The following WWC2 variants were observed in gnomAD, a reference collection of about 807,000 sequenced individuals.
The protein encoded by WWC2 is WW and C2 domain containing 2.
A neutral mutation model predicts 138.5 loss-of-function variants in WWC2; 101 were observed. The observed-to-expected ratio is 0.73, with a 90% CI of 0.62 to 0.86. WWC2 has a LOEUF of 0.86. WWC2 is among the 40% of genes least tolerant of loss of function. WWC2 has a pLI of 0.00. For synonymous variants in WWC2, 558 were observed against 538.4 expected, an observed-to-expected ratio of 1.04 and a Z score of -0.50; for missense variants, 1,420 against 1,419.4, an observed-to-expected ratio of 1.00 and a Z score of -0.01.
rs1190198204 is a variant in WWC2 at position 183,320,712 on chromosome 4, T to C, written c.*4983T>C. The C allele has an allele frequency of 5.7e-6, 1 of 174,558 alleles. No homozygotes were observed. Among genetic ancestry groups the C allele is most frequent in the Non-Finnish European group, 1.4e-5 (1 of 72,116 alleles). The allele number at this position is 174,558 out of a possible 1,614,324, so 10.8% of individuals were successfully genotyped here. A position where few individuals can be genotyped will look rare whatever the true frequency, so the allele number is the denominator to read the frequency against. The stretch of plus-strand genomic sequence containing the variant: ...ATGTGCATGTTATGGTAATACTGAG[T>C]GTTATTTTTTAAAAATAGGTTTAAG... On this transcript the variant is annotated 3_prime_UTR_variant, in exon 23 of 23. Coordinates refer to ENST00000403733, the MANE Select transcript of WWC2 (RefSeq NM_024949.6).
chr4:183,152,583 T>C (rs959821920), intron 1 of WWC2, among the ~76,000 whole-genome samples: 5 of 150,982 alleles, frequency 3.3e-5, no homozygotes, highest in African/African-American at 9.7e-5. Flanking sequence ...TATAGTTTTG[T>C]TTTCGAGAGT....
Position 183,283,702 on chromosome 4 carries a change from A to G in WWC2, c.2884-524A>G, listed in dbSNP as rs555816217. 4.6e-5 allele frequency among the ~76,000 whole-genome samples: 7 copies of G among 152,378 alleles called. No homozygotes were observed. The South Asian group carries it at 1.4e-3, about 32-fold the overall frequency. On this transcript the variant is annotated intron_variant, in intron 18 of 22. Transcript: ENST00000403733. Reference sequence around the variant, plus strand: ...TTACATTTCTAAAGATCCAGTAAAAATACAACTCAGCTTCACAACAGTTAT... The same window carrying G: ...TTACATTTCTAAAGATCCAGTAAAAGTACAACTCAGCTTCACAACAGTTAT...
intron 21 of WWC2, 142 bp downstream of exon 21, chr4:183,289,777 C>T (rs2111076599): frequency 1.6e-6 from 2 of 1,271,970 alleles, no homozygotes; most frequent in South Asian, 3.2e-5. Flanking sequence ...ATTTTTCCCA[C>T]TGTTATAGGC....
At chr4:183,181,222 A>G (rs1734623594) in intron 1 of WWC2, among the ~76,000 whole-genome samples, 1 of 152,186 alleles carries the variant, frequency 6.6e-6, no homozygotes, top group Admixed American at 6.5e-5. Context: ...TCTCTGTGTG[A>G]GCATTTCCTC....
chr4:183,256,442 G>C (rs921066069), intron 9 of WWC2, among the ~76,000 whole-genome samples: 29 of 152,254 alleles, frequency 1.9e-4, no homozygotes, highest in African/African-American at 7.0e-4. Flanking sequence ...ATTCCCCCAT[G>C]CTCTGGCATT....
rs942633104 is a variant in WWC2, at chr4:183,117,923, C to T, written c.131+18301C>T. 2.6e-5 allele frequency among the ~76,000 whole-genome samples: 4 copies of T among 152,112 alleles called. No homozygotes were observed. The South Asian group carries it at 8.3e-4, about 32-fold the overall frequency. On this transcript the variant is annotated intron_variant, in intron 1 of 22. Transcript: ENST00000403733. ...TCAAGCGATTCTCCTGCCTCTGCCC[C>T]CCAAGTAGCTGGGACTATAGGCTCG...
chr4:183,157,071 C>T (rs188514760), intron 1 of WWC2, among the ~76,000 whole-genome samples: 79 of 152,288 alleles, frequency 5.2e-4, no homozygotes, highest in Admixed American at 1.5e-3. Context: ...GCAAGATTGT[C>T]CCCTACTGTC....
chr4:183,214,579 G>A (rs1735696318), intron 4 of WWC2, among the ~76,000 whole-genome samples: 1 of 151,992 alleles, frequency 6.6e-6, no homozygotes, highest in African/African-American at 2.4e-5. Flanking sequence ...GATCACCTGA[G>A]GTCGGGAGTT....
At chr4:183,230,707 G>T (rs1736218074) in intron 4 of WWC2, among the ~76,000 whole-genome samples, 1 of 151,832 alleles carries the variant, frequency 6.6e-6, no homozygotes, top group Non-Finnish European at 1.5e-5. Context: ...AGAAAACATG[G>T]CTATAATAGA....
intron 2 of WWC2, among the ~76,000 whole-genome samples, chr4:183,207,002 T>G (rs896365009): frequency 1.3e-5 from 2 of 152,204 alleles, no homozygotes. Context: ...GAGCATAAGC[T>G]GCCATGGAAG....
intron 1 of WWC2, among the ~76,000 whole-genome samples, chr4:183,118,096 CCGGT>C (rs906817812): frequency 4.6e-5 from 7 of 152,180 alleles, no homozygotes; most frequent in Non-Finnish European, 8.8e-5. Flanking sequence ...CTGCGCCTGG[CCGGT>C]TATGGATATT....
intron 21 of WWC2, among the ~76,000 whole-genome samples, chr4:183,307,453 G>T (rs1304367820): frequency 1.3e-5 from 2 of 152,140 alleles, no homozygotes; most frequent in Admixed American, 1.3e-4. Context: ...ATTCTGTGAG[G>T]CCAGCATTAT....
chr4:183,209,302 A>G, intron 4 of WWC2, among the ~76,000 whole-genome samples: 1 of 152,156 alleles, frequency 6.6e-6, no homozygotes, highest in East Asian at 1.9e-4. Context: ...AGGCTAGCGC[A>G]CTGCAATCTC....
At position 183,208,157 on chromosome 4, in the gene WWC2, G is replaced by C. The variant is rs1291178254; in HGVS notation, c.445+1G>C. The stretch of plus-strand genomic sequence containing the variant: ...GAAAAGTCAAGTTCTCACACAAGCT[G>C]TAAGTACAGTGTGGCTATTCAGACT... On this transcript the variant is annotated splice_donor_variant, in intron 3 of 22. Transcript: ENST00000403733. LOFTEE classifies it high-confidence loss of function. The C allele has an allele frequency of 1.2e-6, 2 of 1,613,400 alleles. No individual in the cohort carries two copies. The highest frequency in any genetic ancestry group is 1.3e-5 in the African/African-American group (1 of 75,042).
chr4:183,103,669 T>C (rs1166585914), intron 1 of WWC2, among the ~76,000 whole-genome samples: 2 of 148,092 alleles, frequency 1.4e-5, no homozygotes, highest in Non-Finnish European at 3.0e-5. Flanking sequence ...GACGGAGTCT[T>C]GCTGTGTCGC....
chr4:183,211,856 C>T lies in WWC2; in HGVS notation c.522+2831C>T, dbSNP rs796517327. 3.6e-4 allele frequency among the ~76,000 whole-genome samples: 55 copies of T among 150,966 alleles called. 1 individual carries two copies. Among genetic ancestry groups the T allele is most frequent in the African/African-American group, 1.3e-3 (55 of 41,116 alleles). ...TTTTTTTTTTTGGCGGAGTCTTGCT[C>T]TGTTTCCCAGGCTGGAGTACAGTGG... is the stretch of plus-strand genomic sequence containing the variant. On this transcript the variant is annotated intron_variant, in intron 4 of 22. Transcript: ENST00000403733.
rs374333442 is a variant in WWC2, at chr4:183,101,082, A to T, written c.131+1460A>T. On this transcript the variant is annotated intron_variant, in intron 1 of 22. Coordinates refer to ENST00000403733, the MANE Select transcript of WWC2 (RefSeq NM_024949.6). ...CAACTGCGGCTTTTAAGGCACCTGT[A>T]TAAATATTTGACTTTTACAGTTGTG... 6.6e-5 allele frequency among the ~76,000 whole-genome samples: 10 copies of T among 152,388 alleles called. No homozygotes were observed. The East Asian group carries it at 7.7e-4, about 12-fold the overall frequency.
chr4:183,253,733 C>T, intron 8 of WWC2, 24 bp from the exon 9 acceptor site: 1 of 1,601,236 alleles, frequency 6.2e-7, no homozygotes, highest in Non-Finnish European at 8.5e-7. Flanking sequence ...TATGTGCATA[C>T]CTCTTCTATC....
At chr4:183,112,940 A>G (rs1304679673) in intron 1 of WWC2, among the ~76,000 whole-genome samples, 2 of 152,130 alleles carry the variant, frequency 1.3e-5, no homozygotes, top group African/African-American at 2.4e-5. Context: ...TTCTAGGAGT[A>G]TGTGGCTATT....
Sources: allele counts gnomAD v4.1 joint callset (sites outside exome capture counted in the v4.1 genomes callset), GRCh38; gene constraint gnomAD v4.1.1; transcripts MANE v1.5; gene names NCBI Gene and HGNC (gene_info 2026-07-23, HGNC 2026-07-21).